The following WBP11 variants were observed in gnomAD, a reference collection of about 807,000 sequenced individuals.
WBP11 encodes the protein WW domain binding protein 11, also known as WW domain-binding protein 11.
Under a neutral mutation model 66.7 loss-of-function variants are expected in WBP11, and 12 were observed. That is an observed-to-expected ratio of 0.18 (90% CI 0.12 to 0.29). The LOEUF (loss-of-function observed/expected upper bound fraction) is 0.29, where lower values mean the gene tolerates loss of function less well. Among genes scored for constraint, WBP11 ranks in the 10% least tolerant of loss-of-function variants. The pLI, the probability that WBP11 is intolerant of heterozygous loss-of-function variation, is 1.00. For missense variants in WBP11, 555 were observed against 818.3 expected (o/e 0.68, Z 3.93); for synonymous variants, 255 against 273.8 (o/e 0.93, Z 0.68).
At position 14,801,366 on chromosome 12, in the gene WBP11, T is replaced by C; in HGVS notation, c.18A>G (p.Thr6=). ...TAAATTTTCCACTCTTGGTGGATGA[T>C]GTAGATCTCCGTCCCATGTTGACAA... MGRRS[T]SSTKSGKFMN... The change falls in exon 2 of 12, where the codon ACA becomes ACG. Residue 6 remains threonine, a synonymous_variant. Coordinates refer to ENST00000261167, the MANE Select transcript of WBP11 (RefSeq NM_016312.3). The C allele has an allele frequency of 1.2e-6, 2 of 1,613,510 alleles. No homozygotes were observed. Among genetic ancestry groups the C allele is most frequent in the Non-Finnish European group, 1.7e-6 (2 of 1,179,684 alleles).
chr12:14,791,307 T>A (rs958074617), intron 8 of WBP11, 37 bp from the exon 9 acceptor site: 1 of 1,567,012 alleles, frequency 6.4e-7, no homozygotes, highest in South Asian at 1.1e-5. Context: ...TAGATTGGCA[T>A]CAACAAAATT....
Position 14,787,473 on chromosome 12 carries a change from C to G in WBP11, c.1518G>C (p.Met506Ile), listed in dbSNP as rs1337547822. 4 of 1,513,422 alleles carry G rather than the reference C, an allele frequency of 2.6e-6. No individual in the cohort carries two copies. Among genetic ancestry groups the G allele is most frequent in the Non-Finnish European group, 3.5e-6 (4 of 1,130,698 alleles). The allele number at this position is 1,513,422 out of a possible 1,614,324, so 93.7% of individuals were successfully genotyped here. The part of the protein sequence containing the change: ...PPGIPPPRPG[M>I]MRPPLVPPLG... The stretch of plus-strand genomic sequence containing the variant: ...GGGGAGGCACCAAAGGTGGGCGCAT[C>G]ATGCCAGGACGAGGTGGAGGAATAC... The change falls in exon 12 of 12, where the codon ATG becomes ATC. Residue 506 changes from methionine (M) to isoleucine (I), a missense_variant. Around this residue, in one of 6 missense-constraint regions of WBP11, gnomAD observed 230 missense variants for 286.3 expected, o/e 0.80. Coordinates refer to ENST00000261167, the MANE Select transcript of WBP11 (RefSeq NM_016312.3).
At chr12:14,803,324 G>A (rs1026062191) in intron 1 of WBP11, 28 bp downstream of exon 1, 5 of 394,704 alleles carry the variant, frequency 1.3e-5, no homozygotes, top group Admixed American at 9.0e-5. Flanking sequence ...AGGTGAGGAA[G>A]AGTAGTAAAT....
chr12:14,790,259 T>C (rs990676668), intron 10 of WBP11, among the ~76,000 whole-genome samples, 197 bp downstream of exon 10: 2 of 152,260 alleles, frequency 1.3e-5, no homozygotes, highest in African/African-American at 2.4e-5. Context: ...AACAGGTGGC[T>C]GTCAGTAGAA....
At chr12:14,802,514 T>G (rs1949977654) in intron 1 of WBP11, among the ~76,000 whole-genome samples, 1 of 152,154 alleles carries the variant, frequency 6.6e-6, no homozygotes, top group Admixed American at 6.5e-5. Context: ...CTTCCTCATC[T>G]AAAAAATGGG....
In WBP11 at chr12:14,803,413, C is replaced by T. The variant is rs577912003; in HGVS notation, c.-107G>A. The T allele has an allele frequency of 4.0e-5, 16 of 398,680 alleles. No individual in the cohort carries two copies. The highest frequency in any genetic ancestry group is 7.1e-5 in the Non-Finnish European group (16 of 226,174). 24.7% of individuals were successfully genotyped at this position (398,680 alleles called of 1,614,324 possible). Reference sequence around the variant, plus strand: ...AGGGGGCGACTCCCGGCCTCTTTCACTTCGTAAAGGCCTTCAACTGGGTCT... The same window carrying T: ...AGGGGGCGACTCCCGGCCTCTTTCATTTCGTAAAGGCCTTCAACTGGGTCT... On this transcript the variant is annotated 5_prime_UTR_variant, in exon 1 of 12. The change creates a new upstream start codon in the 5' untranslated region. Transcript: ENST00000261167.
At chr12:14,797,065 G>A in intron 4 of WBP11, 62 bp from the exon 5 acceptor site, 2 of 1,399,110 alleles carry the variant, frequency 1.4e-6, no homozygotes, top group African/African-American at 2.9e-5. Context: ...GGTATCAATA[G>A]GTTACATGAT....
At chr12:14,803,137 G>A (rs1301940323) in intron 1 of WBP11, among the ~76,000 whole-genome samples, 1 of 152,176 alleles carries the variant, frequency 6.6e-6, no homozygotes, top group African/African-American at 2.4e-5. Flanking sequence ...ACGTGCGTAA[G>A]AAGCGGCCCC....
At position 14,790,768 on chromosome 12, in the gene WBP11, C is replaced by G. The variant is rs776947341; in HGVS notation, c.1016-19G>C. 1 of 1,603,362 alleles carries G rather than the reference C, an allele frequency of 6.2e-7. No individual in the cohort carries two copies. The highest frequency in any genetic ancestry group is 1.3e-5 in the African/African-American group (1 of 74,726). On this transcript the variant is annotated intron_variant, in intron 9 of 11. Coordinates refer to ENST00000261167, the MANE Select transcript of WBP11 (RefSeq NM_016312.3). ...TCTTGACCTGAAAGAAATTTTAAAC[C>G]CAGTAAATGGAGTTGATTCATTTTC...
intron 10 of WBP11, among the ~76,000 whole-genome samples, chr12:14,789,446 A>G (rs1020640639): frequency 6.6e-6 from 1 of 152,074 alleles, no homozygotes; most frequent in Non-Finnish European, 1.5e-5. Flanking sequence ...TTAGCCGGGC[A>G]TGGTGGCAGA....
chr12:14,794,936 C>A, intron 6 of WBP11, 35 bp downstream of exon 6: 28 of 1,612,124 alleles, frequency 1.7e-5, no homozygotes, highest in Non-Finnish European at 2.4e-5. Flanking sequence ...TGTGCCTTTA[C>A]TAAATGCTCT....
At chr12:14,802,623 A>G (rs532673892) in intron 1 of WBP11, among the ~76,000 whole-genome samples, 2 of 147,016 alleles carry the variant, frequency 1.4e-5, no homozygotes, top group East Asian at 4.2e-4. Context: ...AATCTTTATA[A>G]TGGATCCATA....
chr12:14,792,112 C>T (rs1162901175), intron 8 of WBP11, among the ~76,000 whole-genome samples: 1 of 151,922 alleles, frequency 6.6e-6, no homozygotes, highest in Non-Finnish European at 1.5e-5. Context: ...CCAAACACAA[C>T]CTGTTCTCCA....
intron 3 of WBP11, among the ~76,000 whole-genome samples, chr12:14,800,484 T>TA (rs1242550783): frequency 6.6e-6 from 1 of 151,824 alleles, no homozygotes; most frequent in East Asian, 1.9e-4. Flanking sequence ...TTTTAATGAG[T>TA]AAAAAAAAGA....
chr12:14,797,056 G>A (rs1362493859), intron 4 of WBP11, 53 bp from the exon 5 acceptor site: 3 of 1,445,974 alleles, frequency 2.1e-6, no homozygotes, highest in Non-Finnish European at 2.8e-6. Flanking sequence ...CTTCAATTAG[G>A]TATCAATAGG....
intron 6 of WBP11, 110 bp from the exon 7 acceptor site, chr12:14,794,846 T>C: frequency 6.4e-7 from 1 of 1,554,790 alleles, no homozygotes; most frequent in Non-Finnish European, 8.7e-7. Context: ...TTATTTTACA[T>C]TTAATCAAAT....
Position 14,790,563 on chromosome 12 carries a change from T to G in WBP11, c.1202A>C (p.Gln401Pro), listed in dbSNP as rs781141535. 5.6e-5 allele frequency: 91 copies of G among 1,613,846 alleles called. No homozygotes were observed. The highest frequency in any genetic ancestry group is 7.3e-5 in the Non-Finnish European group (86 of 1,179,866). Residue 401 changes from glutamine (Q) to proline (P), a missense_variant, in exon 10 of 12, where the codon CAG (glutamine) becomes CCG (proline). Around this residue, in one of 6 missense-constraint regions of WBP11, gnomAD observed 230 missense variants for 286.3 expected, o/e 0.80. Coordinates refer to ENST00000261167, the MANE Select transcript of WBP11 (RefSeq NM_016312.3). The part of the protein sequence containing the change: ...QAPPQSVPPS[Q>P]IQAPPMPGPP... ...TCCTGGCATGGGAGGTGCTTGTATCTGAGAAGGAGGAACAGACTGCGGCGG... is the reference window on the plus strand; with the variant it reads ...TCCTGGCATGGGAGGTGCTTGTATCGGAGAAGGAGGAACAGACTGCGGCGG...
rs1489423795 is a variant in WBP11 at position 14,801,664 on chromosome 12, C to T, written c.-45-236G>A. On this transcript the variant is annotated intron_variant, in intron 1 of 11. Coordinates refer to ENST00000261167, the MANE Select transcript of WBP11 (RefSeq NM_016312.3). The stretch of plus-strand genomic sequence containing the variant: ...TGAGTGTGAAGACCACTTTGAATAT[C>T]CTCAAGTCATCAGTTTAGCTTTTTT... 2.0e-5 allele frequency among the ~76,000 whole-genome samples: 3 copies of T among 152,164 alleles called. No homozygotes were observed. In the East Asian group the frequency reaches 5.8e-4, roughly 29 times the overall value.
chr12:14,793,434 T>C (rs1286921197), intron 8 of WBP11, among the ~76,000 whole-genome samples: 1 of 152,206 alleles, frequency 6.6e-6, no homozygotes, highest in Non-Finnish European at 1.5e-5. Flanking sequence ...TCTCCTTTCT[T>C]TCCTGTAACA....
Sources: gnomAD v4.1 joint callset for allele counts (sites outside exome capture counted in the v4.1 genomes callset) on GRCh38, gnomAD v4.1.1 for gene constraint, gnomAD v4.1.1 regional missense constraint, MANE v1.5 for transcripts, NCBI Gene and HGNC (gene_info 2026-07-23, HGNC 2026-07-21) for gene names.